Variants in ZNF385B observed in about 807,000 individuals in gnomAD.
ZNF385B encodes the protein zinc finger protein 533.
In ZNF385B, 23 loss-of-function variants were observed where a neutral mutation model predicts 39.2. The ratio of observed to expected loss-of-function variants is 0.59; its 90% CI spans 0.42 to 0.83. The LOEUF (loss-of-function observed/expected upper bound fraction) is 0.83. Ranked by LOEUF, ZNF385B falls within the 40% of genes least tolerant of loss-of-function variation. ZNF385B has a pLI of 0.00. For missense variants in ZNF385B, 552 were observed against 598.9 expected, an observed-to-expected ratio of 0.92 and a Z score of 0.82; for synonymous variants, 205 against 222.6, an observed-to-expected ratio of 0.92 and a Z score of 0.70.
At chr2:179,665,032 A>G (rs1405754188) in intron 3 of ZNF385B, among the ~76,000 whole-genome samples, 3 of 152,220 alleles carry the variant, frequency 2.0e-5, no homozygotes, top group Non-Finnish European at 4.4e-5. Context: ...CCCATTTAAA[A>G]ACTTTATAGT....
Position 179,483,315 on chromosome 2 carries a change from G to A in ZNF385B, c.672C>T (p.Ser224=), listed in dbSNP as rs750285846. 2 of 1,613,986 alleles carry A rather than the reference G, an allele frequency of 1.2e-6. No individual in the cohort carries two copies. Among genetic ancestry groups the A allele is most frequent in the Non-Finnish European group, 1.7e-6 (2 of 1,179,932 alleles). The change falls in exon 6 of 10, where the codon AGC becomes AGT. Residue 224 remains serine (S), a synonymous_variant. Coordinates refer to ENST00000410066, the MANE Select transcript of ZNF385B (RefSeq NM_152520.6). ...PSKDSAKANP[S]CSITPITGNN... is the part of the protein sequence containing the mutation. ...TGCCTGTGATTGGAGTGATGGAGCA[G>A]CTGGGATTAGCCTTTGCGCTGTCCT...
chr2:179,571,636 G>T (rs1304860031), intron 3 of ZNF385B, among the ~76,000 whole-genome samples: 1 of 152,198 alleles, frequency 6.6e-6, no homozygotes, highest in Non-Finnish European at 1.5e-5. Flanking sequence ...TAAAAGGTTA[G>T]TTAGGAAAGA....
chr2:179,561,673 T>A (rs1574810821), intron 3 of ZNF385B, among the ~76,000 whole-genome samples: 1 of 145,746 alleles, frequency 6.9e-6, no homozygotes, highest in Non-Finnish European at 1.5e-5. Context: ...TGGGGGAAAA[T>A]AAAGTGATAA....
chr2:179,493,866 G>C (rs1024169034), intron 5 of ZNF385B, among the ~76,000 whole-genome samples: 5 of 145,062 alleles, frequency 3.4e-5, no homozygotes, highest in Non-Finnish European at 7.6e-5. Context: ...TAACACTAAG[G>C]GTCCATCCAT....
At chr2:179,762,939 C>G (rs950527283) in intron 3 of ZNF385B, among the ~76,000 whole-genome samples, 1 of 152,176 alleles carries the variant, frequency 6.6e-6, no homozygotes. Context: ...GAGTCTTGCT[C>G]TGTCTCCCAG....
intron 3 of ZNF385B, among the ~76,000 whole-genome samples, chr2:179,573,413 G>T (rs1015062883): frequency 2.0e-5 from 3 of 151,848 alleles, no homozygotes; most frequent in Non-Finnish European, 4.4e-5. Context: ...TACTTTGTGA[G>T]GCCAGCAGCT....
At chr2:179,723,353 G>T (rs964701310) in intron 3 of ZNF385B, among the ~76,000 whole-genome samples, 3 of 152,090 alleles carry the variant, frequency 2.0e-5, no homozygotes, top group Non-Finnish European at 4.4e-5. Flanking sequence ...ATACGTGAAT[G>T]TTCAAACCAG....
chr2:179,724,380 G>C (rs958880284), intron 3 of ZNF385B, among the ~76,000 whole-genome samples: 2 of 151,972 alleles, frequency 1.3e-5, no homozygotes, highest in Non-Finnish European at 2.9e-5. Flanking sequence ...GATAATATGT[G>C]GTTATCAAGA....
At chr2:179,574,001 A>G (rs1247269831) in intron 3 of ZNF385B, among the ~76,000 whole-genome samples, 2 of 152,206 alleles carry the variant, frequency 1.3e-5, no homozygotes, top group African/African-American at 4.8e-5. Context: ...CTCTTTCCAC[A>G]GAAGGGTATC....
chr2:179,765,706 C>G (rs1035410170), intron 3 of ZNF385B, among the ~76,000 whole-genome samples: 1 of 152,132 alleles, frequency 6.6e-6, no homozygotes, highest in African/African-American at 2.4e-5. Context: ...CATCTGCCCA[C>G]CCTTGCTAGG....
chr2:179,797,017 TG>T (rs1167208412), intron 1 of ZNF385B, among the ~76,000 whole-genome samples: 15 of 152,176 alleles, frequency 9.9e-5, no homozygotes, highest in South Asian at 4.1e-4. Flanking sequence ...ATTTAAGAAA[TG>T]TTAACTACAT....
intron 3 of ZNF385B, among the ~76,000 whole-genome samples, chr2:179,760,234 G>C (rs529333819): frequency 6.6e-6 from 1 of 151,778 alleles, no homozygotes; most frequent in Non-Finnish European, 1.5e-5. Flanking sequence ...GTGTGTGTGT[G>C]TGTGTGTGTG....
rs571210859 is a variant in ZNF385B, at chr2:179,756,451, T to C, written c.298+13052A>G. ...TCAACTTTGGTGAATGTGACAATTATGTGTCTTGGAGTTGCTCTTCTCAAG... is the reference window on the plus strand; with the variant it reads ...TCAACTTTGGTGAATGTGACAATTACGTGTCTTGGAGTTGCTCTTCTCAAG... On this transcript the variant is annotated intron_variant, in intron 3 of 9. Coordinates refer to ENST00000410066, the MANE Select transcript of ZNF385B (RefSeq NM_152520.6). Among the ~76,000 whole-genome samples the C allele has an allele frequency of 3.7e-3, 558 of 152,286 alleles. 5 individuals are homozygous for C. The highest frequency in any genetic ancestry group is 0.013 in the African/African-American group (526 of 41,556).
At chr2:179,788,926 G>T (rs992735713) in intron 1 of ZNF385B, among the ~76,000 whole-genome samples, 1 of 152,190 alleles carries the variant, frequency 6.6e-6, no homozygotes, top group Non-Finnish European at 1.5e-5. Flanking sequence ...AGAGCCTGAT[G>T]AAAAGCTGAT....
intron 3 of ZNF385B, among the ~76,000 whole-genome samples, chr2:179,720,129 G>A (rs553331573): frequency 2.6e-5 from 4 of 152,096 alleles, no homozygotes; most frequent in South Asian, 2.1e-4. Flanking sequence ...GTAAAGCGAC[G>A]GTCATCTCAT....
intron 1 of ZNF385B, among the ~76,000 whole-genome samples, chr2:179,836,348 C>T (rs357717): frequency 0.035 from 5,329 of 152,244 alleles, 177 homozygotes; most frequent in African/African-American, 0.081. Flanking sequence ...AGTGTTAAAA[C>T]ACTGCCAAAC....
intron 9 of ZNF385B, among the ~76,000 whole-genome samples, 160 bp from the exon 10 acceptor site, chr2:179,443,628 T>C (rs929695634): frequency 2.0e-5 from 3 of 152,268 alleles, no homozygotes; most frequent in African/African-American, 7.2e-5. Context: ...ACAATGCTGG[T>C]TTCAGTGGCT....
chr2:179,752,178 C>T (rs147758875), intron 3 of ZNF385B, among the ~76,000 whole-genome samples: 37 of 152,024 alleles, frequency 2.4e-4, no homozygotes, highest in African/African-American at 8.0e-4. Flanking sequence ...AGTGAGAACA[C>T]GTGGTGTTTG....
At chr2:179,627,771 T>C (rs925752) in intron 3 of ZNF385B, among the ~76,000 whole-genome samples, 151,947 of 152,274 alleles carry the variant, frequency 1, 75,811 homozygotes, top group Non-Finnish European at 1. Context: ...TTTAATATTT[T>C]ACAAATGTCA....
Sources: gnomAD v4.1 joint callset for allele counts (sites outside exome capture counted in the v4.1 genomes callset) on GRCh38, gnomAD v4.1.1 for gene constraint, MANE v1.5 for transcripts, NCBI Gene and HGNC (gene_info 2026-07-23, HGNC 2026-07-21) for gene names.